Variants in CFDP1 observed in about 807,000 individuals in gnomAD.
The protein encoded by CFDP1 is heterochromatin-stabilizing protein CFDP1.
Under a neutral mutation model 40.1 loss-of-function variants are expected in CFDP1, and 31 were observed. The ratio of observed to expected loss-of-function variants is 0.77; its 90% CI spans 0.58 to 1.04. CFDP1 has a LOEUF of 1.04. Among genes scored for constraint, CFDP1 ranks in the 50% least tolerant of loss-of-function variants. CFDP1 has a pLI of 0.00. For synonymous variants in CFDP1, 167 were observed against 120.0 expected (o/e 1.39, Z -2.56); for missense variants, 423 against 343.4 (o/e 1.23, Z -1.83).
rs544243148 is a variant in CFDP1 at position 75,304,590 on chromosome 16, CA to C, written c.809+433del. 7.3e-5 allele frequency among the ~76,000 whole-genome samples: 11 copies of C among 151,430 alleles called. No individual in the cohort carries two copies. In the East Asian group the frequency reaches 1.5e-3, roughly 21 times the overall value. ...CCACCCCAGGCCATAATGACACAGA[CA>C]AAAAAAAATTCACAATAATGCAACA... On this transcript the variant is annotated intron_variant, in intron 6 of 6. Transcript: ENST00000283882.
chr16:75,296,155 C>T (rs1011555964), intron 6 of CFDP1, among the ~76,000 whole-genome samples: 16 of 152,196 alleles, frequency 1.1e-4, no homozygotes, highest in Non-Finnish European at 7.3e-5. Flanking sequence ...GGGTGTGTTT[C>T]AAGAGCCATC....
chr16:75,401,189 G>C (rs138499857), intron 4 of CFDP1, among the ~76,000 whole-genome samples: 2,868 of 152,234 alleles, frequency 0.019, 83 homozygotes, highest in African/African-American at 0.065. Flanking sequence ...AGCACTTTGG[G>C]AGGCCGAGGT....
chr16:75,415,695 T>C (rs1215615370), intron 1 of CFDP1, among the ~76,000 whole-genome samples: 1 of 152,254 alleles, frequency 6.6e-6, no homozygotes, highest in Admixed American at 6.5e-5. Context: ...GCAGTGTAGC[T>C]GTAGTTTATT....
intron 5 of CFDP1, among the ~76,000 whole-genome samples, chr16:75,330,947 G>A (rs1265464379): frequency 1.5e-5 from 2 of 132,884 alleles, no homozygotes; most frequent in East Asian, 4.5e-4. Context: ...ATAAAATGAA[G>A]CAAATTCCAA....
rs1555551779 is a variant in CFDP1 at position 75,297,146 on chromosome 16, T to TTTTGTGTGTGTGTGTGTGTGTG, written c.810-3105_810-3104insCACACACACACACACACACAAA. On this transcript the variant is annotated intron_variant, in intron 6 of 6. Coordinates refer to ENST00000283882, the MANE Select transcript of CFDP1 (RefSeq NM_006324.3). Reference sequence around the variant, plus strand: ...GCTTGGGGTTCTTGCTTCCCATTTCTTGTGTGTGTGTGTGTGTGTCTGTGT... The same window carrying TTTTGTGTGTGTGTGTGTGTGTG: ...GCTTGGGGTTCTTGCTTCCCATTTCTTTTGTGTGTGTGTGTGTGTGTGTGTGTGTGTGTGTGTGTGTCTGTGT... Among the ~76,000 whole-genome samples the TTTTGTGTGTGTGTGTGTGTGTG allele has an allele frequency of 1.1e-3, 140 of 133,068 alleles. 1 individual carries two copies. The highest frequency in any genetic ancestry group is 4.0e-3 in the Middle Eastern group (1 of 252). 87.3% of individuals were successfully genotyped at this position (133,068 alleles called of 152,430 possible).
At chr16:75,301,711 A>G (rs1241896694) in intron 6 of CFDP1, 1 of 151,932 alleles carries the variant, frequency 6.6e-6, no homozygotes, top group African/African-American at 2.4e-5. Flanking sequence ...GTGCATGAGA[A>G]TCACCTGAGA....
intron 5 of CFDP1, among the ~76,000 whole-genome samples, chr16:75,344,707 G>A (rs942521766): frequency 3.3e-5 from 5 of 152,160 alleles, no homozygotes; most frequent in African/African-American, 1.2e-4. Context: ...GCCCAGATGG[G>A]TGGATCACAA....
intron 1 of CFDP1, among the ~76,000 whole-genome samples, chr16:75,426,396 T>C (rs971144917): frequency 6.6e-6 from 1 of 151,888 alleles, no homozygotes; most frequent in East Asian, 1.9e-4. Context: ...AACTTTTACA[T>C]AGGAAAATAC....
chr16:75,358,763 T>C (rs1362846988), intron 5 of CFDP1, among the ~76,000 whole-genome samples: 1 of 152,202 alleles, frequency 6.6e-6, no homozygotes, highest in African/African-American at 2.4e-5. Flanking sequence ...CAGTATCTGC[T>C]GGCAGTGATA....
chr16:75,318,551 G>A (rs1329866018), intron 5 of CFDP1, among the ~76,000 whole-genome samples: 1 of 151,908 alleles, frequency 6.6e-6, no homozygotes, highest in Non-Finnish European at 1.5e-5. Flanking sequence ...GACTACAGGT[G>A]CATGCTGCCA....
At chr16:75,304,742 G>C (rs905074266) in intron 6 of CFDP1, among the ~76,000 whole-genome samples, 1 of 152,226 alleles carries the variant, frequency 6.6e-6, no homozygotes, top group African/African-American at 2.4e-5. Context: ...GCAACTTACA[G>C]TTCACTGGAG....
rs865806037 is a variant in CFDP1, at chr16:75,416,034, G to A, written c.65-1339C>T. On this transcript the variant is annotated intron_variant, in intron 1 of 6. Coordinates refer to ENST00000283882, the MANE Select transcript of CFDP1 (RefSeq NM_006324.3). ...CACCCAGCTGATTTTTATACTTTTA[G>A]TAGAGATGGGGTTTTATCATGTTGG... 8.0e-4 allele frequency among the ~76,000 whole-genome samples: 121 copies of A among 152,172 alleles called. 1 individual carries two copies. The highest frequency in any genetic ancestry group is 2.9e-3 in the African/African-American group (119 of 41,508).
At position 75,412,886 on chromosome 16, in the gene CFDP1, A is replaced by C. The variant is rs2079175210; in HGVS notation, c.183-132T>G. ...TCTGGGACTACTGGTTAATATACTG[A>C]AGTGAGTAGAAGAGTTAAGCTGAAA... On this transcript the variant is annotated intron_variant, in intron 2 of 6. Transcript: ENST00000283882. 3 of 612,120 alleles carry C rather than the reference A, an allele frequency of 4.9e-6. No individual in the cohort carries two copies. In the South Asian group the frequency reaches 7.1e-5, roughly 15 times the overall value. The allele number at this position is 612,120 out of a possible 1,614,324, so 37.9% of individuals were successfully genotyped here.
At chr16:75,318,021 T>C (rs2078335448) in intron 5 of CFDP1, among the ~76,000 whole-genome samples, 1 of 151,984 alleles carries the variant, frequency 6.6e-6, no homozygotes, top group South Asian at 2.1e-4. Flanking sequence ...CTCAGGAGGA[T>C]GAGGCAGGAG....
At chr16:75,337,677 A>T (rs1009563635) in intron 5 of CFDP1, among the ~76,000 whole-genome samples, 3 of 152,150 alleles carry the variant, frequency 2.0e-5, no homozygotes, top group Middle Eastern at 3.2e-3. Flanking sequence ...CGCAGGAGGA[A>T]GAGACAGAAG....
chr16:75,411,719 CA>C (rs1383200645), intron 4 of CFDP1, 105 bp downstream of exon 4: 65 of 1,197,784 alleles, frequency 5.4e-5, no homozygotes, highest in Middle Eastern at 4.0e-4. Context: ...ATAACTCTCC[CA>C]AAATATTATG....
At chr16:75,372,356 A>G (rs1454523510) in intron 5 of CFDP1, 1 of 152,216 alleles carries the variant, frequency 6.6e-6, no homozygotes, top group Non-Finnish European at 1.5e-5. Context: ...AATGGGCAGC[A>G]AAAACACACC....
At chr16:75,361,036 G>T (rs2078676409) in intron 5 of CFDP1, among the ~76,000 whole-genome samples, 1 of 151,958 alleles carries the variant, frequency 6.6e-6, no homozygotes, top group South Asian at 2.1e-4. Flanking sequence ...CTGAGGCAGG[G>T]TCTTACTCTA....
At chr16:75,429,786 T>C (rs941830517) in intron 1 of CFDP1, among the ~76,000 whole-genome samples, 13 of 152,216 alleles carry the variant, frequency 8.5e-5, no homozygotes, top group African/African-American at 1.9e-4. Flanking sequence ...AGATGATTTA[T>C]ACAATTCTAA....
Sources: allele counts gnomAD v4.1 joint callset (sites outside exome capture counted in the v4.1 genomes callset), GRCh38; gene constraint gnomAD v4.1.1; transcripts MANE v1.5; gene names NCBI Gene and HGNC (gene_info 2026-07-23, HGNC 2026-07-21).